Variants in TDRD6 observed in about 807,000 individuals in gnomAD.
TDRD6 encodes tudor domain containing 6, also known as tudor domain-containing protein 6.
In TDRD6, 186 loss-of-function variants were observed where a neutral mutation model predicts 157.5. That is an observed-to-expected ratio of 1.18 (90% CI 1.05 to 1.33). TDRD6 has a LOEUF of 1.33. Among genes scored for constraint, TDRD6 ranks in the 40% most tolerant of loss-of-function variants. The pLI is 0.00. For missense variants in TDRD6, 3,066 were observed against 2,508.0 expected (o/e 1.22, Z -4.75); for synonymous variants, 1,075 against 945.2 (o/e 1.14, Z -2.52).
intron 2 of TDRD6, among the ~76,000 whole-genome samples, chr6:46,696,205 A>C (rs1198381981): frequency 6.6e-6 from 1 of 151,900 alleles, no homozygotes; most frequent in Admixed American, 6.6e-5. Context: ...TACACATCTT[A>C]TCTCTTAGTT....
Position 46,700,996 on chromosome 6 carries a change from T to C in TDRD6, c.6262-862T>C, listed in dbSNP as rs758249513. 3.8e-5 allele frequency: 17 copies of C among 446,932 alleles called. No homozygotes were observed. The East Asian group carries it at 8.7e-4, about 23-fold the overall frequency. 27.7% of individuals were successfully genotyped at this position (446,932 alleles called of 1,614,324 possible). A position where few individuals can be genotyped will look rare whatever the true frequency, so the allele number is the denominator to read the frequency against. On this transcript the variant is annotated intron_variant, in intron 3 of 3. Transcript: ENST00000316081. ...ATAGCAATTCAAAGGTTCCTTTTGT[T>C]AGGCTGTATCCCAAAGAGTAGGGAA...
upstream of TDRD6, among the ~76,000 whole-genome samples, chr6:46,684,697 T>A (rs1487005484): frequency 6.6e-6 from 1 of 152,200 alleles, no homozygotes; most frequent in Non-Finnish European, 1.5e-5. Context: ...ATTTTCCTTG[T>A]TATTGCTGTG....
rs746188084 is a variant in TDRD6 at position 46,691,511 on chromosome 6, T to G, written c.3383T>G (p.Val1128Gly). 3 of 1,613,958 alleles carry G rather than the reference T, an allele frequency of 1.9e-6. No homozygotes were observed. The highest frequency in any genetic ancestry group is 2.5e-6 in the Non-Finnish European group (3 of 1,179,958). The change falls in exon 1 of 4, where the codon GTT (valine) becomes GGT (glycine). Residue 1128 changes from valine to glycine, a missense_variant. Transcript: ENST00000316081. ...TTAGATAAGTCATTGAAGGCTTTAG[T>G]TGTAGCAAAAGATCCAGATGGAACA... ...TILDKSLKAL[V>G]VAKDPDGTLI...
chr6:46,686,476 T>TAAAA (rs35028991), upstream of TDRD6, among the ~76,000 whole-genome samples: 1 of 127,832 alleles, frequency 7.8e-6, no homozygotes, highest in Non-Finnish European at 1.7e-5. Flanking sequence ...TAGAAGTATG[T>TAAAA]AAAAAAAAAA....
rs774595928 is a variant in TDRD6 at position 46,691,979 on chromosome 6, C to G, written c.3851C>G (p.Ser1284Ter). ...CTTTCAGAGAGAAAAATAGGAGATT[C>G]ATGTGACAAAGATTTGCCTCTGAAA... Reference protein sequence around the residue: ...ATLSERKIGDSCDKDLPLKFC... With the variant: ...ATLSERKIGD The change falls in exon 1 of 4, where the codon TCA (serine) becomes TGA (stop). Residue 1284 changes from serine to a stop codon, truncating the protein, a stop_gained. Coordinates refer to ENST00000316081, the MANE Select transcript of TDRD6 (RefSeq NM_001010870.3). LOFTEE classifies it high-confidence loss of function. 4.3e-6 allele frequency: 7 copies of G among 1,613,796 alleles called. No individual in the cohort carries two copies. The East Asian group carries it at 8.9e-5, about 21-fold the overall frequency.
Position 46,692,369 on chromosome 6 carries a change from T to C in TDRD6, c.4241T>C (p.Leu1414Ser). 6.2e-7 allele frequency: 1 copy of C among 1,614,200 alleles called. No individual in the cohort carries two copies. The highest frequency in any genetic ancestry group is 8.5e-7 in the Non-Finnish European group (1 of 1,180,034). Reference protein sequence around the residue: ...LDLVNAILPGLCIHCSLQGFE... With the variant: ...LDLVNAILPGSCIHCSLQGFE... ...CTTGTTAATGCAATATTGCCGGGGT[T>C]GTGCATTCATTGCTCCTTGCAGGGA... Residue 1414 changes from leucine to serine, a missense_variant, in exon 1 of 4, where the codon TTG (leucine) becomes TCG (serine). Transcript: ENST00000316081.
In TDRD6 at chr6:46,698,092, G is replaced by A. The variant is rs762198382; in HGVS notation, c.6261+5G>A. ...TTGGATAAGAGTCCACCTGAGGTAT[G>A]GAATTCTATAAATAGTAATTAGTGA... On this transcript the variant is annotated splice_donor_5th_base_variant and intron_variant, in intron 3 of 3. Transcript: ENST00000316081. 1.7e-5 allele frequency: 27 copies of A among 1,583,138 alleles called. No homozygotes were observed. The highest frequency in any genetic ancestry group is 2.0e-5 in the Non-Finnish European group (23 of 1,155,298).
chr6:46,688,061 G>C lies in TDRD6; in HGVS notation c.-68G>C, dbSNP rs946673773. On this transcript the variant is annotated 5_prime_UTR_variant, in exon 1 of 4. Coordinates refer to ENST00000316081, the MANE Select transcript of TDRD6 (RefSeq NM_001010870.3). ...GCTGGGACTCGCCTTCAGGCGGCGC[G>C]GAGGATTTCGAGGCCCTGAGGCGCG... The C allele has an allele frequency of 2.8e-5, 40 of 1,409,264 alleles. No individual in the cohort carries two copies. Among genetic ancestry groups the C allele is most frequent in the Non-Finnish European group, 3.5e-5 (38 of 1,090,124 alleles). 87.3% of individuals were successfully genotyped at this position (1,409,264 alleles called of 1,614,324 possible).
Position 46,689,276 on chromosome 6 carries a change from AC to A in TDRD6, c.1149del (p.Asp383GlufsTer14), listed in dbSNP as rs758783109. On this transcript the variant is annotated frameshift_variant, in exon 1 of 4. Transcript: ENST00000316081. LOFTEE classifies it high-confidence loss of function. ...TYPCALYGLWDGGRGWSRSQV... is the reference protein window; with the variant it reads ...TYPCALYGLWXGGRGWSRSQV... ...CCTTGTGCTTTGTATGGACTCTGGG[AC>A]GGTGGGAGAGGCTGGTCTCGGTCAC... 3 of 1,614,042 alleles carry A rather than the reference AC, an allele frequency of 1.9e-6. No homozygotes were observed. The Admixed American group carries it at 5.0e-5, about 27-fold the overall frequency.
At position 46,689,049 on chromosome 6, in the gene TDRD6, G is replaced by A. The variant is rs1016324109; in HGVS notation, c.921G>A (p.Glu307=). The A allele has an allele frequency of 6.2e-7, 1 of 1,613,954 alleles. No homozygotes were observed. The highest frequency in any genetic ancestry group is 1.7e-5 in the Admixed American group (1 of 60,028). The change falls in exon 1 of 4, where the codon GAG becomes GAA. Residue 307 remains glutamate (E), a synonymous_variant. Coordinates refer to ENST00000316081, the MANE Select transcript of TDRD6 (RefSeq NM_001010870.3). ...NSTSATWEER[E]ESPDKPGSPC... The stretch of plus-strand genomic sequence containing the variant: ...CCAGTGCCACCTGGGAGGAGAGGGA[G>A]GAGAGCCCAGATAAGCCGGGCTCTC...
At chr6:46,696,330 C>T (rs1443673333) in intron 2 of TDRD6, among the ~76,000 whole-genome samples, 2 of 151,226 alleles carry the variant, frequency 1.3e-5, no homozygotes, top group Non-Finnish European at 2.9e-5. Flanking sequence ...TCCATGGTGT[C>T]AGGGTGAAGT....
In TDRD6 at chr6:46,690,881, T is replaced by C; in HGVS notation, c.2753T>C (p.Leu918Pro). Residue 918 changes from leucine (L) to proline (P), a missense_variant, in exon 1 of 4, where the codon CTA becomes CCA. Leu to Pro is a moderately conservative substitution (Grantham distance 98). Coordinates refer to ENST00000316081, the MANE Select transcript of TDRD6 (RefSeq NM_001010870.3). ...EFIDNAWQKN[L>P]ELKCTIFALA... The stretch of plus-strand genomic sequence containing the variant: ...ATAGATAATGCATGGCAAAAAAATC[T>C]AGAATTAAAATGTACAATATTTGCT... 1.2e-6 allele frequency: 2 copies of C among 1,613,656 alleles called. No individual in the cohort carries two copies. The highest frequency in any genetic ancestry group is 1.7e-6 in the Non-Finnish European group (2 of 1,179,892).
chr6:46,695,818 C>A lies in TDRD6; in HGVS notation c.6047-3C>A, dbSNP rs1441236035. On this transcript the variant is annotated splice_region_variant and splice_polypyrimidine_tract_variant and intron_variant, in intron 1 of 3. Coordinates refer to ENST00000316081, the MANE Select transcript of TDRD6 (RefSeq NM_001010870.3). ...TTGAGTCTTACTCAATTCAATTTGG[C>A]AGCTCAACTACAGAACACCTACACT... is the stretch of plus-strand genomic sequence containing the variant. 2 of 1,610,808 alleles carry A rather than the reference C, an allele frequency of 1.2e-6. No homozygotes were observed. Among genetic ancestry groups the A allele is most frequent in the South Asian group, 2.2e-5 (2 of 90,406 alleles).
Position 46,692,048 on chromosome 6 carries a change from C to G in TDRD6, c.3920C>G (p.Thr1307Arg). ...PQKTIMPGFK[T>R]TVYVSHINDL... is the part of the protein sequence containing the mutation. ...AAGACTATAATGCCTGGATTTAAAA[C>G]AACTGTATATGTTTCTCATATAAAT... Residue 1307 changes from threonine (T) to arginine (R), a missense_variant, in exon 1 of 4, where the codon ACA becomes AGA. Transcript: ENST00000316081. 8 of 1,613,212 alleles carry G rather than the reference C, an allele frequency of 5.0e-6. No homozygotes were observed. The highest frequency in any genetic ancestry group is 6.8e-6 in the Non-Finnish European group (8 of 1,179,798).
In TDRD6 at chr6:46,688,010, C is replaced by T; in HGVS notation, c.-119C>T. 1 of 1,359,188 alleles carries T rather than the reference C, an allele frequency of 7.4e-7. No individual in the cohort carries two copies. The highest frequency in any genetic ancestry group is 9.5e-7 in the Non-Finnish European group (1 of 1,055,012). 84.2% of individuals were successfully genotyped at this position (1,359,188 alleles called of 1,614,324 possible). ...AAGGCCTCGCCGGCATTCTTCCCCT[C>T]CACTGGGTCCTTTGAACCTAGTTTG... On this transcript the variant is annotated 5_prime_UTR_variant, in exon 1 of 4. Coordinates refer to ENST00000316081, the MANE Select transcript of TDRD6 (RefSeq NM_001010870.3).
Position 46,693,723 on chromosome 6 carries a change from A to G in TDRD6, c.5595A>G (p.Glu1865=), listed in dbSNP as rs770117962. 4.3e-6 allele frequency: 7 copies of G among 1,614,082 alleles called. No individual in the cohort carries two copies. In the East Asian group the frequency reaches 1.1e-4, roughly 26 times the overall value. The part of the protein sequence containing the change: ...ELQNSLVVDE[E]KGELSPVPPN... ...AGAATTCTCTGGTGGTGGATGAAGA[A>G]AAAGGGGAGCTAAGCCCGGTGCCAC... Residue 1865 remains glutamate, a synonymous_variant, in exon 1 of 4, where the codon GAA becomes GAG. Transcript: ENST00000316081.
upstream of TDRD6, among the ~76,000 whole-genome samples, chr6:46,686,663 A>C (rs912278786): frequency 3.9e-5 from 6 of 152,230 alleles, no homozygotes; most frequent in Admixed American, 6.5e-5. Context: ...TCAGGAAAAG[A>C]AAAGCTTTGG....
chr6:46,691,244 T>A lies in TDRD6; in HGVS notation c.3116T>A (p.Leu1039Ter). The change falls in exon 1 of 4, where the codon TTG becomes TAG. Residue 1039 changes from leucine to a stop codon, truncating the protein, a stop_gained. Coordinates refer to ENST00000316081, the MANE Select transcript of TDRD6 (RefSeq NM_001010870.3). LOFTEE classifies it high-confidence loss of function. ...ACATCTCCCTTGAACCCTGGAACCTTGTGCCTTGCCAAGTATACTGATGGA... is the reference window on the plus strand; with the variant it reads ...ACATCTCCCTTGAACCCTGGAACCTAGTGCCTTGCCAAGTATACTGATGGA... Reference protein sequence around the residue: ...LKTSPLNPGTLCLAKYTDGNW... With the variant: ...LKTSPLNPGT 1 of 1,614,084 alleles carries A rather than the reference T, an allele frequency of 6.2e-7. No individual in the cohort carries two copies. Among genetic ancestry groups the A allele is most frequent in the Non-Finnish European group, 8.5e-7 (1 of 1,179,958 alleles).
chr6:46,686,922 T>A (rs896981801), upstream of TDRD6, among the ~76,000 whole-genome samples: 1 of 152,224 alleles, frequency 6.6e-6, no homozygotes. Flanking sequence ...ACACTGAGAT[T>A]TACAGTTAGG....
Sources: gnomAD v4.1 joint callset for allele counts (sites outside exome capture counted in the v4.1 genomes callset) on GRCh38, gnomAD v4.1.1 for gene constraint, MANE v1.5 for transcripts, NCBI Gene and HGNC (gene_info 2026-07-23, HGNC 2026-07-21) for gene names.